The following SLC35F4 variants were observed in gnomAD, a reference collection of about 807,000 sequenced individuals.
SLC35F4 encodes the protein chromosome 14 open reading frame 36.
SLC35F4 carries 24 observed loss-of-function variants against 44.2 expected under a neutral mutation model. The observed-to-expected ratio is 0.54, with a 90% CI of 0.39 to 0.76. The LOEUF (loss-of-function observed/expected upper bound fraction) is 0.76, where lower values mean the gene tolerates loss of function less well. Among genes scored for constraint, SLC35F4 ranks in the 30% least tolerant of loss-of-function variants. The pLI is 0.00. For synonymous variants in SLC35F4, 238 were observed against 223.6 expected (o/e 1.06, Z -0.57); for missense variants, 562 against 586.1 (o/e 0.96, Z 0.42).
Position 57,662,177 on chromosome 14 carries a change from T to C in SLC35F4, c.104-68053A>G, listed in dbSNP as rs78037450. On this transcript the variant is annotated intron_variant, in intron 1 of 7. Transcript: ENST00000556826. ...CGTGATCAGAGTTCTATAACTTGGA[T>C]TCAACCTCTTTTCCCTCTCATTCCT... Among the ~76,000 whole-genome samples, 428 of 152,310 alleles carry C rather than the reference T, an allele frequency of 2.8e-3. 2 individuals carry two copies. The highest frequency in any genetic ancestry group is 9.9e-3 in the African/African-American group (412 of 41,578).
intron 1 of SLC35F4, among the ~76,000 whole-genome samples, chr14:57,606,420 A>C (rs572456372): frequency 1.2e-4 from 19 of 152,296 alleles, no homozygotes; most frequent in African/African-American, 3.4e-4. Context: ...TATCTTACTC[A>C]AATAAGCAAC....
In SLC35F4 at chr14:57,666,068, G is replaced by A. The variant is rs528176515; in HGVS notation, c.104-71944C>T. Among the ~76,000 whole-genome samples the A allele has an allele frequency of 2.6e-5, 4 of 152,250 alleles. No homozygotes were observed. In the East Asian group the frequency reaches 5.8e-4, roughly 22 times the overall value. On this transcript the variant is annotated intron_variant, in intron 1 of 7. Coordinates refer to ENST00000556826, the MANE Select transcript of SLC35F4 (RefSeq NM_001306087.2). ...AATAATCTGTACAACAGACCCCTGTGACACAAGTTGACCTATTTAACAAAC... is the reference window on the plus strand; with the variant it reads ...AATAATCTGTACAACAGACCCCTGTAACACAAGTTGACCTATTTAACAAAC...
chr14:57,958,927 T>C (rs1890293671), intron 1 of SLC35F4, among the ~76,000 whole-genome samples: 1 of 152,110 alleles, frequency 6.6e-6, no homozygotes, highest in Non-Finnish European at 1.5e-5. Flanking sequence ...CCCTTCCAAA[T>C]GCTCTGGAGG....
chr14:57,945,273 G>T (rs1226675216), intron 1 of SLC35F4, among the ~76,000 whole-genome samples: 1 of 151,992 alleles, frequency 6.6e-6, no homozygotes, highest in East Asian at 2.0e-4. Context: ...TTACCAAAGA[G>T]GCCAGAGCCC....
At chr14:57,781,343 T>C (rs2077616279) in intron 1 of SLC35F4, among the ~76,000 whole-genome samples, 1 of 152,120 alleles carries the variant, frequency 6.6e-6, no homozygotes, top group African/African-American at 2.4e-5. Flanking sequence ...ATTAGAGAAA[T>C]GCAAATCAAA....
intron 1 of SLC35F4, among the ~76,000 whole-genome samples, chr14:57,649,923 C>T (rs1289426048): frequency 2.0e-5 from 3 of 152,114 alleles, no homozygotes; most frequent in African/African-American, 7.2e-5. Context: ...GATATGCACC[C>T]CATGTCTCAA....
chr14:57,586,398 C>T (rs2069722770), intron 3 of SLC35F4, among the ~76,000 whole-genome samples: 1 of 152,012 alleles, frequency 6.6e-6, no homozygotes, highest in Non-Finnish European at 1.5e-5. Flanking sequence ...TAGGCAATAC[C>T]ATTCAGGATA....
At chr14:57,962,482 G>T (rs1890357395) in intron 1 of SLC35F4, among the ~76,000 whole-genome samples, 1 of 152,170 alleles carries the variant, frequency 6.6e-6, no homozygotes. Context: ...TTAGGAAAAG[G>T]AGCCCCTTCC....
intron 1 of SLC35F4, among the ~76,000 whole-genome samples, chr14:57,669,401 C>G (rs1440109666): frequency 1.3e-5 from 2 of 152,072 alleles, no homozygotes; most frequent in Non-Finnish European, 2.9e-5. Context: ...GCATCCCTGT[C>G]TTGTGCCAGT....
intron 1 of SLC35F4, among the ~76,000 whole-genome samples, chr14:57,760,586 T>A (rs1297265480): frequency 6.6e-6 from 1 of 152,182 alleles, no homozygotes; most frequent in Non-Finnish European, 1.5e-5. Context: ...CACTTGAGCT[T>A]TTTTTCTGAG....
chr14:57,654,706 C>G (rs1369178182), intron 1 of SLC35F4, among the ~76,000 whole-genome samples: 1 of 152,158 alleles, frequency 6.6e-6, no homozygotes, highest in Non-Finnish European at 1.5e-5. Context: ...TACATTCTCA[C>G]CAGCAATGTA....
intron 1 of SLC35F4, among the ~76,000 whole-genome samples, chr14:57,752,782 A>C (rs1316458933): frequency 6.6e-6 from 1 of 152,102 alleles, no homozygotes; most frequent in Non-Finnish European, 1.5e-5. Flanking sequence ...TTTTGTAGGG[A>C]GCCAAAATGG....
intron 1 of SLC35F4, among the ~76,000 whole-genome samples, chr14:57,971,220 A>T (rs1881044889): frequency 6.6e-6 from 1 of 152,236 alleles, no homozygotes; most frequent in Non-Finnish European, 1.5e-5. Flanking sequence ...TTCTAAAAAT[A>T]CCAAAACAAT....
intron 1 of SLC35F4, among the ~76,000 whole-genome samples, chr14:57,627,809 CT>C (rs777826798): frequency 2.3e-4 from 35 of 151,682 alleles, no homozygotes; most frequent in Admixed American, 5.9e-4. Context: ...TAATTCCTTC[CT>C]TTTTTTTAAT....
chr14:57,681,697 T>A (rs2074909173), intron 1 of SLC35F4, among the ~76,000 whole-genome samples: 1 of 151,840 alleles, frequency 6.6e-6, no homozygotes, highest in Non-Finnish European at 1.5e-5. Flanking sequence ...AAAAGTATCA[T>A]CACAGTGAAC....
chr14:57,719,150 GT>G (rs1257139850), intron 1 of SLC35F4, among the ~76,000 whole-genome samples: 1 of 152,132 alleles, frequency 6.6e-6, no homozygotes, highest in Non-Finnish European at 1.5e-5. Flanking sequence ...CACTGTAGAT[GT>G]GTGGCTCTGT....
chr14:57,846,525 G>A (rs1886039470), intron 1 of SLC35F4, among the ~76,000 whole-genome samples: 1 of 152,118 alleles, frequency 6.6e-6, no homozygotes, highest in Non-Finnish European at 1.5e-5. Context: ...AGCATATAGT[G>A]CAAAATCATT....
chr14:57,964,650 T>G (rs1361595073), intron 1 of SLC35F4, among the ~76,000 whole-genome samples: 2 of 152,072 alleles, frequency 1.3e-5, no homozygotes, highest in African/African-American at 4.8e-5. Context: ...TTATTCTCTG[T>G]GGGAGGAAGA....
At chr14:57,771,996 A>G (rs2077376154) in intron 1 of SLC35F4, among the ~76,000 whole-genome samples, 1 of 152,158 alleles carries the variant, frequency 6.6e-6, no homozygotes, top group Non-Finnish European at 1.5e-5. Context: ...AGTATGTGTT[A>G]TCTTTGACAT....
Sources: allele counts gnomAD v4.1 joint callset (sites outside exome capture counted in the v4.1 genomes callset), GRCh38; gene constraint gnomAD v4.1.1; transcripts MANE v1.5; gene names NCBI Gene and HGNC (gene_info 2026-07-23, HGNC 2026-07-21).